Variants in GNE observed in about 807,000 individuals in gnomAD.
The protein encoded by GNE is glucosamine (UDP-N-acetyl)-2-epimerase/N-acetylmannosamine kinase, also known as bifunctional UDP-N-acetylglucosamine 2-epimerase/N-acetylmannosamine kinase.
A neutral mutation model predicts 61.8 loss-of-function variants in GNE; 41 were observed. That is an observed-to-expected ratio of 0.66 (90% CI 0.52 to 0.86). GNE has a LOEUF of 0.86. Among genes scored for constraint, GNE ranks in the 40% least tolerant of loss-of-function variants. The pLI is 0.00. For missense variants in GNE, 608 were observed against 909.1 expected (o/e 0.67, Z 4.26); for synonymous variants, 264 against 326.4 (o/e 0.81, Z 2.06).
chr9:36,258,579 C>A, upstream of GNE: 1 of 919,614 alleles, frequency 1.1e-6, no homozygotes, highest in Non-Finnish European at 1.3e-6. Flanking sequence ...CCCCGTCCCC[C>A]ACCTTCCCGG....
At chr9:36,251,487 G>A (rs145198688) in intron 1 of GNE, among the ~76,000 whole-genome samples, 6 of 152,176 alleles carry the variant, frequency 3.9e-5, no homozygotes, top group Middle Eastern at 6.8e-3. Flanking sequence ...TCACAAGCAC[G>A]ATCATAGCTC....
rs375794259 is a variant in GNE at position 36,242,732 on chromosome 9, G to GCT, written c.616+3298_616+3299insAG. Among the ~76,000 whole-genome samples, 261 of 95,994 alleles carry GCT rather than the reference G, an allele frequency of 2.7e-3. 22 individuals are homozygous for GCT. Among genetic ancestry groups the GCT allele is most frequent in the African/African-American group, 5.1e-3 (116 of 22,622 alleles). The allele number at this position is 95,994 out of a possible 152,430, so 63.0% of individuals were successfully genotyped here. A position where few individuals can be genotyped will look rare whatever the true frequency, so the allele number is the denominator to read the frequency against. ...CGCATCTGGCCTGGGTTTTATGCTT[G>GCT]TTTTTTTTTTTTTTTTTTTTTTTGA... is the stretch of plus-strand genomic sequence containing the variant. On this transcript the variant is annotated intron_variant, in intron 3 of 11. Transcript: ENST00000642385.
upstream of GNE, among the ~76,000 whole-genome samples, chr9:36,260,726 G>A (rs1183289576): frequency 2.0e-5 from 3 of 151,662 alleles, no homozygotes; most frequent in Non-Finnish European, 2.9e-5. Flanking sequence ...AACATTAGCC[G>A]GGCGTGGTGG....
intron 10 of GNE, among the ~76,000 whole-genome samples, chr9:36,219,257 A>G (rs1295904061): frequency 6.0e-5 from 9 of 150,042 alleles, no homozygotes; most frequent in African/African-American, 2.2e-4. Context: ...TGTCCCATAC[A>G]CCCATCATCT....
rs776304382 is a variant in GNE at position 36,218,555 on chromosome 9, G to C, written c.1817-256C>G. On this transcript the variant is annotated intron_variant, in intron 10 of 11. Coordinates refer to ENST00000642385, the MANE Select transcript of GNE (RefSeq NM_005476.7). This position sits in a 1 kb window ranked among gnomAD's most constrained non-coding sequence, Gnocchi z 4.1. ...CTGACGACAGCCTCCTACCCCTCTG[G>C]CTCCCTCACTTCTCACTTCCAGTAG... 2.6e-5 allele frequency among the ~76,000 whole-genome samples: 4 copies of C among 152,116 alleles called. No homozygotes were observed. The highest frequency in any genetic ancestry group is 6.5e-5 in the Admixed American group (1 of 15,272).
rs1261239311 is a variant in GNE at position 36,227,260 on chromosome 9, T to A, written c.1269A>T (p.Ile423=). Reference sequence around the variant, plus strand: ...GGAGTTATTTTACCTTCATGCTGACTATTGCAACTCGGAGGTTCGTCCCGC... The same window carrying A: ...GGAGTTATTTTACCTTCATGCTGACAATTGCAACTCGGAGGTTCGTCCCGC... ...DLGGTNLRVA[I]VSMKGEIVKK... Residue 423 remains isoleucine (I), a synonymous_variant, in exon 7 of 12, where the codon ATA becomes ATT. Coordinates refer to ENST00000642385, the MANE Select transcript of GNE (RefSeq NM_005476.7). The A allele has an allele frequency of 2.5e-6, 4 of 1,609,476 alleles. No individual in the cohort carries two copies. Among genetic ancestry groups the A allele is most frequent in the Non-Finnish European group, 3.4e-6 (4 of 1,175,744 alleles).
chr9:36,273,299 C>T (rs1013746016), intron 1 of GNE, among the ~76,000 whole-genome samples: 1 of 150,936 alleles, frequency 6.6e-6, no homozygotes, highest in Non-Finnish European at 1.5e-5. Flanking sequence ...TCACTGCAAC[C>T]TCCGCCTCCT....
At chr9:36,265,736 CT>C (rs1361981190) in intron 1 of GNE, among the ~76,000 whole-genome samples, 2 of 152,056 alleles carry the variant, frequency 1.3e-5, no homozygotes, top group African/African-American at 4.8e-5. Flanking sequence ...TGAAACTGTT[CT>C]ACCTGAGATC....
intron 9 of GNE, 134 bp downstream of exon 9, chr9:36,222,643 C>T (rs1281325817): frequency 1.3e-6 from 1 of 785,178 alleles, no homozygotes; most frequent in Non-Finnish European, 2.3e-6. Flanking sequence ...GAAAAGGCCA[C>T]ATGTGGCTCA....
Position 36,227,249 on chromosome 9 carries a change from T to C in GNE, c.1280A>G (p.Lys427Arg). 3.7e-6 allele frequency: 6 copies of C among 1,605,036 alleles called. No homozygotes were observed. The highest frequency in any genetic ancestry group is 5.1e-6 in the Non-Finnish European group (6 of 1,171,756). ...TTAGGAGTTTAGGAGTTATTTTACC[T>C]TCATGCTGACTATTGCAACTCGGAG... Reference protein sequence around the residue: ...TNLRVAIVSMKGEIVKKYTQF... With the variant: ...TNLRVAIVSMRGEIVKKYTQF... Residue 427 changes from lysine (K) to arginine (R), a missense_variant and splice_region_variant, in exon 7 of 12, where the codon AAG (lysine) becomes AGG (arginine). Physicochemically the swap from Lys to Arg is conservative, Grantham distance 26. Coordinates refer to ENST00000642385, the MANE Select transcript of GNE (RefSeq NM_005476.7).
chr9:36,230,444 A>T (rs566384791), intron 5 of GNE, among the ~76,000 whole-genome samples: 1 of 150,036 alleles, frequency 6.7e-6, no homozygotes, highest in Admixed American at 6.6e-5. Flanking sequence ...CCTGGGCTCC[A>T]TTCTCTGCCC....
At chr9:36,247,181 CGAG>C (rs1829919399) in intron 2 of GNE, among the ~76,000 whole-genome samples, 1 of 151,990 alleles carries the variant, frequency 6.6e-6, no homozygotes, top group African/African-American at 2.4e-5. Flanking sequence ...CTCAGCCTCC[CGAG>C]TAGCTGGGAC....
In GNE at chr9:36,219,925, G is replaced by A; in HGVS notation, c.1729C>T (p.Pro577Ser). Residue 577 changes from proline (P) to serine (S), a missense_variant, in exon 10 of 12, where the codon CCT becomes TCT. Physicochemically the swap from Pro to Ser is moderately conservative, Grantham distance 74. Transcript: ENST00000642385. ...LGHLVVSLDG[P>S]DCSCGSHGCI... is the part of the protein sequence containing the mutation. ...CCATGGCTTCCACAGGAACAATCAG[G>A]CCCATCCAGAGACACAACAAGGTGG... 6.2e-7 allele frequency: 1 copy of A among 1,614,058 alleles called. No homozygotes were observed. The highest frequency in any genetic ancestry group is 8.5e-7 in the Non-Finnish European group (1 of 1,179,970).
At position 36,250,158 on chromosome 9, in the gene GNE, G is replaced by C. The variant is rs116364327; in HGVS notation, c.-42-761C>G. ...TTATAGAAAGGGAAACACAGGTCTT[G>C]AGAGGGAAAATTACTGCCCCAACAT... On this transcript the variant is annotated intron_variant, in intron 1 of 11. Coordinates refer to ENST00000642385, the MANE Select transcript of GNE (RefSeq NM_005476.7). Among the ~76,000 whole-genome samples the C allele has an allele frequency of 8.0e-3, 1,219 of 152,278 alleles. 19 individuals carry two copies. The highest frequency in any genetic ancestry group is 0.028 in the African/African-American group (1,170 of 41,564).
chr9:36,266,555 C>A (rs1452075286), intron 1 of GNE, among the ~76,000 whole-genome samples: 1 of 152,100 alleles, frequency 6.6e-6, no homozygotes, highest in Non-Finnish European at 1.5e-5. Context: ...AGGTGGATCA[C>A]CTGAGGTCAG....
intron 2 of GNE, among the ~76,000 whole-genome samples, chr9:36,246,732 G>A (rs1451038148): frequency 1.4e-5 from 2 of 146,658 alleles, no homozygotes; most frequent in Non-Finnish European, 3.0e-5. Flanking sequence ...GCAGTAGCGC[G>A]ATCTAGGCTC....
intron 1 of GNE, among the ~76,000 whole-genome samples, chr9:36,257,893 A>G (rs2133163612): frequency 2.0e-5 from 3 of 150,626 alleles, no homozygotes; most frequent in Admixed American, 2.0e-4. Context: ...GCCCAGACTC[A>G]GAATGTAGAC....
chr9:36,246,311 G>T lies in GNE; in HGVS notation c.336C>A (p.Asp112Glu). 2.5e-6 allele frequency: 4 copies of T among 1,614,174 alleles called. No homozygotes were observed. The highest frequency in any genetic ancestry group is 3.4e-6 in the Non-Finnish European group (4 of 1,180,042). ...LKPDIMIVHG[D>E]RFDALALATS... ...TGGCCAGAGCCAGGGCATCAAACCTGTCTCCATGAACAATCATGATATCAG... is the reference window on the plus strand; with the variant it reads ...TGGCCAGAGCCAGGGCATCAAACCTTTCTCCATGAACAATCATGATATCAG... The change falls in exon 3 of 12, where the codon GAC becomes GAA. Residue 112 changes from aspartate (D) to glutamate (E), a missense_variant. By Grantham distance (45) the Asp-to-Glu change is conservative. Coordinates refer to ENST00000642385, the MANE Select transcript of GNE (RefSeq NM_005476.7).
chr9:36,253,060 G>GCTGAGGC (rs1379070909), intron 1 of GNE, among the ~76,000 whole-genome samples: 1 of 152,074 alleles, frequency 6.6e-6, no homozygotes, highest in Non-Finnish European at 1.5e-5. Flanking sequence ...TACTTGGGAG[G>GCTGAGGC]CTGAGGCAGG....
Sources: gnomAD v4.1 joint callset for allele counts (sites outside exome capture counted in the v4.1 genomes callset) on GRCh38, gnomAD v4.1.1 for gene constraint, Gnocchi (gnomAD v3.1) non-coding constraint, MANE v1.5 for transcripts, NCBI Gene and HGNC (gene_info 2026-07-23, HGNC 2026-07-21) for gene names.